PCSK6: variants seen among roughly 807,000 people sequenced by gnomAD.
PCSK6 encodes the protein paired basic amino acid cleaving enzyme 4.
A neutral mutation model predicts 123.3 loss-of-function variants in PCSK6; 85 were observed. The observed-to-expected ratio is 0.69, with a 90% CI of 0.58 to 0.83. The LOEUF (loss-of-function observed/expected upper bound fraction) is 0.83. PCSK6 is among the 40% of genes least tolerant of loss of function. The probability of loss-of-function intolerance (pLI) is 0.00; values close to 1 mark genes in which losing one functional copy is unlikely to be tolerated. For synonymous variants in PCSK6, 508 were observed against 516.0 expected, an observed-to-expected ratio of 0.98 and a Z score of 0.21; for missense variants, 1,191 against 1,282.3, an observed-to-expected ratio of 0.93 and a Z score of 1.09.
chr15:101,437,516 C>T (rs776583209), intron 2 of PCSK6, among the ~76,000 whole-genome samples: 21 of 152,188 alleles, frequency 1.4e-4, no homozygotes, highest in Non-Finnish European at 1.6e-4. Flanking sequence ...GCTGCGAGCC[C>T]AGCTCCCTCC....
At chr15:101,354,444 T>C (rs892469028) in intron 13 of PCSK6, among the ~76,000 whole-genome samples, 2 of 152,264 alleles carry the variant, frequency 1.3e-5, no homozygotes, top group African/African-American at 4.8e-5. Flanking sequence ...TACGTGTCTT[T>C]TTACACTTTA....
At chr15:101,445,281 T>A (rs2056857910) in intron 1 of PCSK6, among the ~76,000 whole-genome samples, 1 of 152,190 alleles carries the variant, frequency 6.6e-6, no homozygotes, top group African/African-American at 2.4e-5. Flanking sequence ...CTGCATCTAA[T>A]GTGACCCTTC....
At chr15:101,433,360 G>A (rs2056504856) in intron 2 of PCSK6, among the ~76,000 whole-genome samples, 2 of 152,324 alleles carry the variant, frequency 1.3e-5, no homozygotes, top group South Asian at 4.1e-4. Flanking sequence ...AAGGATCTTG[G>A]GGTAAAGACT....
chr15:101,364,621 C>T (rs1042886149), intron 13 of PCSK6, among the ~76,000 whole-genome samples: 3 of 152,134 alleles, frequency 2.0e-5, no homozygotes, highest in African/African-American at 7.2e-5. Flanking sequence ...GACTTATATA[C>T]TCAACACTAC....
At chr15:101,401,853 T>C (rs1468312942) in intron 6 of PCSK6, among the ~76,000 whole-genome samples, 1 of 152,080 alleles carries the variant, frequency 6.6e-6, no homozygotes, top group African/African-American at 2.4e-5. Context: ...CCCAAGGTAA[T>C]TTATAGATTC....
chr15:101,339,617 C>T (rs1043356466), intron 13 of PCSK6, among the ~76,000 whole-genome samples: 8 of 152,128 alleles, frequency 5.3e-5, no homozygotes, highest in Middle Eastern at 3.4e-3. Flanking sequence ...TTAAAAATAC[C>T]GTGTAGGGGC....
chr15:101,480,825 G>A (rs776112419), intron 1 of PCSK6, among the ~76,000 whole-genome samples: 5 of 152,232 alleles, frequency 3.3e-5, no homozygotes, highest in Admixed American at 2.6e-4. Flanking sequence ...GTACAAGTAC[G>A]TACGTGGCAG....
intron 1 of PCSK6, among the ~76,000 whole-genome samples, 182 bp from the exon 2 acceptor site, chr15:101,443,842 A>T (rs889046345): frequency 6.6e-6 from 1 of 152,340 alleles, no homozygotes; most frequent in South Asian, 2.1e-4. Flanking sequence ...GTGAAGGTGG[A>T]TTCAGACACT....
At chr15:101,379,638 A>G (rs774877071) in intron 11 of PCSK6, among the ~76,000 whole-genome samples, 3 of 152,246 alleles carry the variant, frequency 2.0e-5, no homozygotes, top group South Asian at 2.1e-4. Context: ...GGAAGAAATC[A>G]GAATGAGGCC....
At chr15:101,422,049 G>T (rs1272457889) in intron 6 of PCSK6, among the ~76,000 whole-genome samples, 1 of 152,168 alleles carries the variant, frequency 6.6e-6, no homozygotes, top group Non-Finnish European at 1.5e-5. Flanking sequence ...TTCAATTCTT[G>T]ACAAACCATA....
chr15:101,390,476 C>G (rs149868878), intron 8 of PCSK6, among the ~76,000 whole-genome samples: 1 of 152,300 alleles, frequency 6.6e-6, no homozygotes, highest in East Asian at 1.9e-4. Context: ...CCTGCTGCCA[C>G]CACAGGGCCC....
At chr15:101,411,842 C>T (rs77023164) in intron 6 of PCSK6, among the ~76,000 whole-genome samples, 1 of 152,290 alleles carries the variant, frequency 6.6e-6, no homozygotes, top group East Asian at 1.9e-4. Context: ...GCTTTTACCT[C>T]CAGCAACCTC....
chr15:101,466,590 C>T (rs762725750), intron 1 of PCSK6, among the ~76,000 whole-genome samples: 2 of 152,194 alleles, frequency 1.3e-5, no homozygotes, highest in African/African-American at 4.8e-5. Flanking sequence ...AACCTGGGAA[C>T]AACCTAAATG....
intron 4 of PCSK6, among the ~76,000 whole-genome samples, chr15:101,430,270 G>A (rs865952895): frequency 7.4e-6 from 1 of 134,302 alleles, no homozygotes; most frequent in Admixed American, 7.4e-5. Flanking sequence ...GCGGCTCAGT[G>A]GCATTAATTC....
chr15:101,329,337 C>T lies in PCSK6; in HGVS notation c.2077+2314G>A, dbSNP rs1596189735. ...GATGGACAGGAGAGTTTGGTATCAC[C>T]ATCTTCTCCACCGTTCACGCCATCC... is the stretch of plus-strand genomic sequence containing the variant. On this transcript the variant is annotated intron_variant, in intron 15 of 21. Coordinates refer to ENST00000611716, the MANE Select transcript of PCSK6 (RefSeq NM_002570.5). Among the ~76,000 whole-genome samples, 3 of 152,350 alleles carry T rather than the reference C, an allele frequency of 2.0e-5. No individual in the cohort carries two copies. In the East Asian group the frequency reaches 5.8e-4, roughly 29 times the overall value.
chr15:101,329,863 T>C (rs565015452), intron 15 of PCSK6, among the ~76,000 whole-genome samples: 2 of 152,336 alleles, frequency 1.3e-5, no homozygotes, highest in Admixed American at 6.5e-5. Context: ...AGCTCTTCCC[T>C]GCCTCCTGCC....
intron 13 of PCSK6, chr15:101,347,070 T>C: frequency 1.6e-6 from 2 of 1,231,572 alleles, no homozygotes; most frequent in South Asian, 4.1e-5. Flanking sequence ...GTTTGGAGAG[T>C]GTGCCAAGTT....
At chr15:101,393,930 A>G (rs1284915224) in intron 7 of PCSK6, among the ~76,000 whole-genome samples, 1 of 152,170 alleles carries the variant, frequency 6.6e-6, no homozygotes, top group Non-Finnish European at 1.5e-5. Context: ...GAGAGAGCTA[A>G]ATTTGCAAAG....
chr15:101,303,983 T>C lies in PCSK6; in HGVS notation c.*1275A>G, dbSNP rs1368673674. The stretch of plus-strand genomic sequence containing the variant: ...TAGGGTTAACATTGTACTTGCTTCA[T>C]TGATTTCTCTTTCAGAGTTGTAGAT... On this transcript the variant is annotated 3_prime_UTR_variant, in exon 22 of 22. Coordinates refer to ENST00000611716, the MANE Select transcript of PCSK6 (RefSeq NM_002570.5). The C allele has an allele frequency of 2.6e-5, 4 of 152,670 alleles. No homozygotes were observed. Among genetic ancestry groups the C allele is most frequent in the Admixed American group, 6.5e-5 (1 of 15,290 alleles). 9.5% of individuals were successfully genotyped at this position (152,670 alleles called of 1,614,324 possible).
Sources: gnomAD v4.1 joint callset for allele counts (sites outside exome capture counted in the v4.1 genomes callset) on GRCh38, gnomAD v4.1.1 for gene constraint, MANE v1.5 for transcripts, NCBI Gene and HGNC (gene_info 2026-07-23, HGNC 2026-07-21) for gene names.